The following TMEM233 variants were observed in gnomAD, a reference collection of about 807,000 sequenced individuals.
The protein encoded by TMEM233 is transmembrane protein 233, also known as dispanin subfamily B member 2.
Under a neutral mutation model 11.2 loss-of-function variants are expected in TMEM233, and 6 were observed. The ratio of observed to expected loss-of-function variants is 0.54; its 90% confidence interval spans 0.29 to 1.06. The LOEUF (loss-of-function observed/expected upper bound fraction) is 1.06. Ranked by LOEUF, TMEM233 falls within the 50% of genes least tolerant of loss-of-function variation. TMEM233 has a pLI of 0.08. For synonymous variants in TMEM233, 59 were observed against 55.8 expected, an observed-to-expected ratio of 1.06 and a Z score of -0.26; for missense variants, 127 against 144.7, an observed-to-expected ratio of 0.88 and a Z score of 0.63.
intron 2 of TMEM233, among the ~76,000 whole-genome samples, chr12:119,638,861 A>G (rs1374512368): frequency 6.6e-6 from 1 of 151,918 alleles, no homozygotes; most frequent in Non-Finnish European, 1.5e-5. Flanking sequence ...ATATACTGAG[A>G]TCCCGTCTCT....
intron 2 of TMEM233, among the ~76,000 whole-genome samples, chr12:119,640,128 C>T (rs1955053464): frequency 6.8e-6 from 1 of 148,078 alleles, no homozygotes. Context: ...AGGCATTTTT[C>T]CATATCCGCA....
At chr12:119,622,829 T>C (rs1954669393) in intron 1 of TMEM233, among the ~76,000 whole-genome samples, 1 of 152,170 alleles carries the variant, frequency 6.6e-6, no homozygotes, top group Admixed American at 6.5e-5. Context: ...AAAGGATTTG[T>C]GGGGAGAGGA....
chr12:119,626,011 C>T (rs1345023045), intron 1 of TMEM233, among the ~76,000 whole-genome samples: 2 of 152,164 alleles, frequency 1.3e-5, no homozygotes, highest in African/African-American at 2.4e-5. Flanking sequence ...ATCTAGTTTT[C>T]TTTAATCTAG....
At chr12:119,637,553 T>A (rs936072032) in intron 2 of TMEM233, among the ~76,000 whole-genome samples, 3 of 152,236 alleles carry the variant, frequency 2.0e-5, no homozygotes, top group African/African-American at 7.2e-5. Context: ...TTGCAAAAGC[T>A]TAAAAGCAAA....
At chr12:119,637,771 A>C (rs886284792) in intron 2 of TMEM233, among the ~76,000 whole-genome samples, 5 of 152,204 alleles carry the variant, frequency 3.3e-5, no homozygotes, top group African/African-American at 9.7e-5. Context: ...TTTTGCTTGG[A>C]AAAGGATATA....
intron 1 of TMEM233, among the ~76,000 whole-genome samples, chr12:119,622,634 C>T (rs1283990807): frequency 6.6e-6 from 1 of 152,120 alleles, no homozygotes; most frequent in Non-Finnish European, 1.5e-5. Flanking sequence ...AGAATTCTTT[C>T]TGCTTCACTG....
At chr12:119,620,359 A>C (rs1320996848) in intron 1 of TMEM233, among the ~76,000 whole-genome samples, 5 of 152,226 alleles carry the variant, frequency 3.3e-5, no homozygotes, top group African/African-American at 7.2e-5. Context: ...ATTTGGCTCT[A>C]TCTCTCCAAA....
intron 1 of TMEM233, among the ~76,000 whole-genome samples, chr12:119,604,238 C>A (rs1466800663): frequency 6.6e-6 from 1 of 152,168 alleles, no homozygotes; most frequent in African/African-American, 2.4e-5. Flanking sequence ...GTGGTGATAA[C>A]AAATTTTACC....
At chr12:119,622,715 G>T (rs1460462249) in intron 1 of TMEM233, among the ~76,000 whole-genome samples, 1 of 152,096 alleles carries the variant, frequency 6.6e-6, no homozygotes, top group Non-Finnish European at 1.5e-5. Flanking sequence ...CTCAGAGCTG[G>T]AATCTCTCAC....
chr12:119,639,226 T>C (rs1186860479), intron 2 of TMEM233, among the ~76,000 whole-genome samples: 1 of 152,138 alleles, frequency 6.6e-6, no homozygotes, highest in Non-Finnish European at 1.5e-5. Context: ...CCCTGACAAA[T>C]TATATATCTA....
chr12:119,615,173 TAAAAAAAAAAAAAAAA>T lies in TMEM233; in HGVS notation c.187-14545_187-14530del, dbSNP rs60318959. On this transcript the variant is annotated intron_variant, in intron 1 of 2. Transcript: ENST00000426426. The stretch of plus-strand genomic sequence containing the variant: ...AGGTCTCAGTCTACCCGCTTTCTGC[TAAAAAAAAAAAAAAAA>T]AAAAAAAAAAAAAAAAACTGCCTCC... Among the ~76,000 whole-genome samples the T allele has an allele frequency of 2.1e-3, 118 of 56,198 alleles. 1 individual carries two copies. Among genetic ancestry groups the T allele is most frequent in the African/African-American group, 7.2e-3 (99 of 13,746 alleles). 36.9% of individuals were successfully genotyped at this position (56,198 alleles called of 152,430 possible).
At chr12:119,618,445 T>C (rs903272336) in intron 1 of TMEM233, among the ~76,000 whole-genome samples, 3 of 152,112 alleles carry the variant, frequency 2.0e-5, no homozygotes, top group Non-Finnish European at 2.9e-5. Context: ...GCCTGCACCA[T>C]GCACCTGGAA....
intron 1 of TMEM233, among the ~76,000 whole-genome samples, chr12:119,597,596 A>G (rs1954072736): frequency 6.6e-6 from 1 of 152,200 alleles, no homozygotes; most frequent in Non-Finnish European, 1.5e-5. Flanking sequence ...ACTTTGGAAA[A>G]ATACACATTC....
intron 1 of TMEM233, among the ~76,000 whole-genome samples, chr12:119,620,051 T>C (rs1370410711): frequency 6.6e-6 from 1 of 152,238 alleles, no homozygotes; most frequent in Non-Finnish European, 1.5e-5. Flanking sequence ...CACATACTTA[T>C]TGCTCTCCTT....
Position 119,637,817 on chromosome 12 carries a change from C to T in TMEM233, c.324-2882C>T, listed in dbSNP as rs116605137. Among the ~76,000 whole-genome samples the T allele has an allele frequency of 3.2e-3, 483 of 152,178 alleles. 1 individual carries two copies. Among genetic ancestry groups the T allele is most frequent in the African/African-American group, 0.011 (465 of 41,514 alleles). On this transcript the variant is annotated intron_variant, in intron 2 of 2. Transcript: ENST00000426426. ...GCATTGATGAAGAAATCAGAATGAA[C>T]ATTAAAAAGATGTTCAACCTCACTA...
intron 1 of TMEM233, among the ~76,000 whole-genome samples, chr12:119,609,435 C>A (rs1345982790): frequency 6.6e-6 from 1 of 152,196 alleles, no homozygotes; most frequent in Non-Finnish European, 1.5e-5. Flanking sequence ...CATAAGTAAC[C>A]AGGAGCCAAA....
chr12:119,608,825 A>G (rs1025157029), intron 1 of TMEM233, among the ~76,000 whole-genome samples: 1 of 152,210 alleles, frequency 6.6e-6, no homozygotes, highest in African/African-American at 2.4e-5. Context: ...TTATTCATTT[A>G]TTCACTCAAA....
intron 1 of TMEM233, among the ~76,000 whole-genome samples, chr12:119,602,778 C>A (rs1265615434): frequency 6.6e-6 from 1 of 152,088 alleles, no homozygotes; most frequent in African/African-American, 2.4e-5. Flanking sequence ...ATTTTAAGAG[C>A]CATTTAAATT....
intron 1 of TMEM233, among the ~76,000 whole-genome samples, chr12:119,598,189 G>C (rs957892434): frequency 8.5e-5 from 13 of 152,204 alleles, no homozygotes; most frequent in African/African-American, 3.1e-4. Context: ...TGGCAAATAA[G>C]ATCAGCAAGG....
Sources: allele counts gnomAD v4.1 joint callset (sites outside exome capture counted in the v4.1 genomes callset), GRCh38; gene constraint gnomAD v4.1.1; transcripts MANE v1.5; gene names NCBI Gene and HGNC (gene_info 2026-07-23, HGNC 2026-07-21).